The following ZBTB8A variants were observed in gnomAD, a reference collection of about 807,000 sequenced individuals.
ZBTB8A encodes the protein zinc finger and BTB domain-containing protein 8A.
In ZBTB8A, 19 loss-of-function variants were observed where a neutral mutation model predicts 37.8. The ratio of observed to expected loss-of-function variants is 0.50; its 90% CI spans 0.35 to 0.74. The LOEUF is 0.74. Among genes scored for constraint, ZBTB8A ranks in the 30% least tolerant of loss-of-function variants. The probability of loss-of-function intolerance (pLI) is 0.01; values close to 1 mark genes in which losing one functional copy is unlikely to be tolerated. For synonymous variants in ZBTB8A, 181 were observed against 185.2 expected, an observed-to-expected ratio of 0.98 and a Z score of 0.19; for missense variants, 394 against 537.8, an observed-to-expected ratio of 0.73 and a Z score of 2.65.
At chr1:32,559,424 C>T (rs1200946541) in intron 2 of ZBTB8A, among the ~76,000 whole-genome samples, 1 of 151,836 alleles carries the variant, frequency 6.6e-6, no homozygotes. Flanking sequence ...CCCTTCAAAA[C>T]TCATGTTGGA....
rs1052202186 is a variant in ZBTB8A at position 32,605,916 on chromosome 1, A to G, written c.*5497A>G. On this transcript the variant is annotated 3_prime_UTR_variant, in exon 5 of 5. Transcript: ENST00000373510. ...ACGTCATTGTATGTGGATACATTCT[A>G]TATGGAATAAATGTTATGTAAAGGA... 9 of 152,146 alleles carry G rather than the reference A, an allele frequency of 5.9e-5. No individual in the cohort carries two copies. The highest frequency in any genetic ancestry group is 2.2e-4 in the African/African-American group (9 of 41,426). The allele number at this position is 152,146 out of a possible 1,614,324, so 9.4% of individuals were successfully genotyped here.
At chr1:32,550,025 C>G (rs898815776) in intron 1 of ZBTB8A, among the ~76,000 whole-genome samples, 5 of 152,236 alleles carry the variant, frequency 3.3e-5, no homozygotes, top group African/African-American at 1.2e-4. Flanking sequence ...GTAAAGGAGT[C>G]TGGGAAATGT....
chr1:32,597,287 G>A (rs1368455637), intron 4 of ZBTB8A, among the ~76,000 whole-genome samples: 1 of 152,140 alleles, frequency 6.6e-6, no homozygotes, highest in Non-Finnish European at 1.5e-5. Context: ...GAGCCACCAC[G>A]TCTGCTGGTC....
At chr1:32,564,054 C>T (rs111461023) in intron 2 of ZBTB8A, among the ~76,000 whole-genome samples, 13 of 152,216 alleles carry the variant, frequency 8.5e-5, no homozygotes, top group South Asian at 2.1e-4. Flanking sequence ...ACCATGGGCA[C>T]GGTGAGCAGA....
intron 1 of ZBTB8A, among the ~76,000 whole-genome samples, chr1:32,542,170 G>T (rs1277093398): frequency 6.6e-6 from 1 of 152,128 alleles, no homozygotes; most frequent in Non-Finnish European, 1.5e-5. Flanking sequence ...TATGACTCAG[G>T]AACGTTTGCT....
At chr1:32,544,661 C>T (rs1414843449) in intron 1 of ZBTB8A, among the ~76,000 whole-genome samples, 1 of 152,230 alleles carries the variant, frequency 6.6e-6, no homozygotes, top group Non-Finnish European at 1.5e-5. Context: ...GGTGCTACTG[C>T]ACTCCAGCCT....
At chr1:32,552,802 T>C (rs961305913) in intron 1 of ZBTB8A, among the ~76,000 whole-genome samples, 5 of 150,754 alleles carry the variant, frequency 3.3e-5, no homozygotes, top group Non-Finnish European at 7.4e-5. Flanking sequence ...AAAATATGTA[T>C]ATAAAATGTA....
chr1:32,553,456 C>T lies in ZBTB8A; in HGVS notation c.-83-3C>T, dbSNP rs1223887851. On this transcript the variant is annotated splice_region_variant and splice_polypyrimidine_tract_variant and intron_variant, in intron 1 of 4. Transcript: ENST00000373510. The stretch of plus-strand genomic sequence containing the variant: ...TATAAATATCTGTTTTCTCTCTCTA[C>T]AGGACAATCCTCCAAACACAGACTG... 1.3e-5 allele frequency: 2 copies of T among 152,172 alleles called. No homozygotes were observed. The highest frequency in any genetic ancestry group is 4.8e-5 in the African/African-American group (2 of 41,446). 9.4% of individuals were successfully genotyped at this position (152,172 alleles called of 1,614,324 possible). A position where few individuals can be genotyped will look rare whatever the true frequency, so the allele number is the denominator to read the frequency against.
At chr1:32,542,214 G>C (rs1403229800) in intron 1 of ZBTB8A, among the ~76,000 whole-genome samples, 1 of 151,984 alleles carries the variant, frequency 6.6e-6, no homozygotes, top group Non-Finnish European at 1.5e-5. Flanking sequence ...TGCTGACCCT[G>C]GTGGGACACA....
chr1:32,565,042 C>G (rs558462401), intron 2 of ZBTB8A, among the ~76,000 whole-genome samples: 75 of 152,300 alleles, frequency 4.9e-4, no homozygotes, highest in African/African-American at 1.8e-3. Flanking sequence ...GTAAGAAATA[C>G]ATTTTGGCTG....
intron 1 of ZBTB8A, among the ~76,000 whole-genome samples, chr1:32,545,253 T>A (rs1377296798): frequency 2.0e-5 from 3 of 152,174 alleles, no homozygotes; most frequent in Non-Finnish European, 4.4e-5. Flanking sequence ...AAAAAAATTT[T>A]AAAAAATTAT....
chr1:32,560,369 A>G (rs1245041653), intron 2 of ZBTB8A, among the ~76,000 whole-genome samples: 1 of 152,170 alleles, frequency 6.6e-6, no homozygotes, highest in Non-Finnish European at 1.5e-5. Flanking sequence ...AGCCCTCGCC[A>G]AGTGTGGACC....
chr1:32,582,975 T>A (rs1644418982), intron 2 of ZBTB8A, among the ~76,000 whole-genome samples: 1 of 152,194 alleles, frequency 6.6e-6, no homozygotes. Context: ...GGAAGAAACT[T>A]CATTATAGAT....
In ZBTB8A at chr1:32,600,081, A is replaced by T. The variant is rs377700025; in HGVS notation, c.994-6A>T. The T allele has an allele frequency of 1.7e-5, 28 of 1,608,198 alleles. No homozygotes were observed. The highest frequency in any genetic ancestry group is 2.4e-5 in the Non-Finnish European group (28 of 1,175,772). ...CACTTTTATCACTATTTAAATCTCT[A>T]CACAGATTCACCAGGCATGTAAACT... On this transcript the variant is annotated splice_region_variant and splice_polypyrimidine_tract_variant and intron_variant, in intron 4 of 4. Transcript: ENST00000373510.
rs1270625311 is a variant in ZBTB8A, at chr1:32,539,485, G to A, written c.-171G>A. ...TACTTGTTTTAGGGCGCAAAGGAAC[G>A]GCCTCGAAAGGGGGTCCTTCCCCAG... On this transcript the variant is annotated 5_prime_UTR_variant, in exon 1 of 5. Coordinates refer to ENST00000373510, the MANE Select transcript of ZBTB8A (RefSeq NM_001040441.3). 1 of 152,324 alleles carries A rather than the reference G, an allele frequency of 6.6e-6. No homozygotes were observed. Among genetic ancestry groups the A allele is most frequent in the Non-Finnish European group, 1.5e-5 (1 of 67,930 alleles). 9.4% of individuals were successfully genotyped at this position (152,324 alleles called of 1,614,324 possible).
intron 1 of ZBTB8A, among the ~76,000 whole-genome samples, chr1:32,546,925 A>G (rs1644109216): frequency 6.6e-6 from 1 of 152,144 alleles, no homozygotes; most frequent in African/African-American, 2.4e-5. Context: ...TTTTTGAGAC[A>G]GGGTCTTGCC....
At chr1:32,580,811 C>T (rs536096446) in intron 2 of ZBTB8A, among the ~76,000 whole-genome samples, 156 of 151,878 alleles carry the variant, frequency 1.0e-3, no homozygotes, top group African/African-American at 3.6e-3. Context: ...CTCATGCCAG[C>T]ATCTGGCAAG....
intron 1 of ZBTB8A, among the ~76,000 whole-genome samples, chr1:32,550,938 C>G (rs1441894870): frequency 7.0e-6 from 1 of 142,462 alleles, no homozygotes; most frequent in African/African-American, 2.6e-5. Flanking sequence ...GCCGGGGCAA[C>G]AGGAGCGAGA....
At chr1:32,576,810 C>T (rs1206958742) in intron 2 of ZBTB8A, among the ~76,000 whole-genome samples, 1 of 152,098 alleles carries the variant, frequency 6.6e-6, no homozygotes, top group Non-Finnish European at 1.5e-5. Context: ...AGTGATCTGC[C>T]CACCTTGGCC....
Sources: gnomAD v4.1 joint callset for allele counts (sites outside exome capture counted in the v4.1 genomes callset) on GRCh38, gnomAD v4.1.1 for gene constraint, MANE v1.5 for transcripts, NCBI Gene and HGNC (gene_info 2026-07-23, HGNC 2026-07-21) for gene names.